Variants in MAST4 observed in about 807,000 individuals in gnomAD.
The protein encoded by MAST4 is microtubule-associated serine/threonine-protein kinase 4.
A neutral mutation model predicts 162.7 loss-of-function variants in MAST4; 89 were observed. The ratio of observed to expected loss-of-function variants is 0.55; its 90% CI spans 0.46 to 0.65. MAST4 has a LOEUF of 0.65. Among genes scored for constraint, MAST4 ranks in the 30% least tolerant of loss-of-function variants. The pLI is 0.00. For missense variants in MAST4, 3,153 were observed against 3,374.0 expected, an observed-to-expected ratio of 0.93 and a Z score of 1.62; for synonymous variants, 1,479 against 1,361.1, an observed-to-expected ratio of 1.09 and a Z score of -1.91.
chr5:66,618,999 A>C (rs530842409), intron 1 of MAST4, among the ~76,000 whole-genome samples: 1 of 152,320 alleles, frequency 6.6e-6, no homozygotes, highest in South Asian at 2.1e-4. Context: ...TTGGCAACGC[A>C]CTAAATGCTG....
At chr5:66,692,093 C>T (rs182402932) in intron 1 of MAST4, among the ~76,000 whole-genome samples, 189 of 152,248 alleles carry the variant, frequency 1.2e-3, no homozygotes, top group Non-Finnish European at 2.4e-3. Context: ...TTACACTGCA[C>T]TCTCAGGTAT....
At position 66,650,867 on chromosome 5, in the gene MAST4, T is replaced by C. The variant is rs548216010; in HGVS notation, c.363+53849T>C. Among the ~76,000 whole-genome samples, 3 of 152,362 alleles carry C rather than the reference T, an allele frequency of 2.0e-5. No individual in the cohort carries two copies. In the South Asian group the frequency reaches 6.2e-4, roughly 32 times the overall value. On this transcript the variant is annotated intron_variant, in intron 1 of 28. Transcript: ENST00000403625. ...AAACCTAGGCTCCAAACTGGCACATTGTCACTTCTGTTCATATCCCGTTGA... is the reference window on the plus strand; with the variant it reads ...AAACCTAGGCTCCAAACTGGCACATCGTCACTTCTGTTCATATCCCGTTGA...
At chr5:66,624,146 G>GTTT (rs200030700) in intron 1 of MAST4, among the ~76,000 whole-genome samples, 13,812 of 89,138 alleles carry the variant, frequency 0.15, 2,458 homozygotes, top group East Asian at 0.37. Flanking sequence ...TTGTTAAAAT[G>GTTT]TTTTTTTTTT....
At chr5:66,788,592 C>CA in intron 2 of MAST4, 78 bp from the exon 3 acceptor site, 4 of 662,148 alleles carry the variant, frequency 6.0e-6, no homozygotes, top group South Asian at 1.4e-5. Context: ...GGAAGAGACA[C>CA]CCCACCCCCA....
chr5:67,086,198 T>C (rs2150767208), intron 5 of MAST4, among the ~76,000 whole-genome samples: 1 of 152,284 alleles, frequency 6.6e-6, no homozygotes, highest in South Asian at 2.1e-4. Context: ...ATTCTTGGAT[T>C]CCTCCAGTCC....
At chr5:66,862,908 T>G (rs1760222231) in intron 3 of MAST4, among the ~76,000 whole-genome samples, 1 of 152,202 alleles carries the variant, frequency 6.6e-6, no homozygotes, top group Admixed American at 6.5e-5. Context: ...TTGTGTCAGT[T>G]TCTCTTCCTG....
intron 3 of MAST4, among the ~76,000 whole-genome samples, chr5:66,820,235 T>C (rs559112417): frequency 1.3e-4 from 20 of 152,322 alleles, no homozygotes; most frequent in Admixed American, 6.5e-4. Context: ...TTCCTTGATC[T>C]TTTATCTCTA....
intron 2 of MAST4, among the ~76,000 whole-genome samples, chr5:66,780,999 C>A (rs1194437370): frequency 1.3e-5 from 2 of 152,194 alleles, no homozygotes; most frequent in African/African-American, 4.8e-5. Flanking sequence ...TTATTTCTTT[C>A]AGCATGTCTC....
At chr5:66,623,638 A>G (rs1744219206) in intron 1 of MAST4, among the ~76,000 whole-genome samples, 1 of 152,244 alleles carries the variant, frequency 6.6e-6, no homozygotes, top group African/African-American at 2.4e-5. Flanking sequence ...TAAAAGCCAT[A>G]TATGAAGGAC....
chr5:66,954,908 A>G (rs1439276767), intron 4 of MAST4, among the ~76,000 whole-genome samples: 1 of 151,894 alleles, frequency 6.6e-6, no homozygotes, highest in Non-Finnish European at 1.5e-5. Context: ...CTCAAAAAAA[A>G]AAGGGAGAAA....
At chr5:66,687,041 A>T (rs1748703788) in intron 1 of MAST4, among the ~76,000 whole-genome samples, 1 of 152,160 alleles carries the variant, frequency 6.6e-6, no homozygotes, top group Non-Finnish European at 1.5e-5. Context: ...AATTTCAACT[A>T]GTTGTTTGAT....
intron 13 of MAST4, 126 bp from the exon 14 acceptor site, chr5:67,120,891 T>C: frequency 1.5e-6 from 1 of 652,850 alleles, no homozygotes; most frequent in Non-Finnish European, 2.6e-6. Flanking sequence ...CTCAGGTTCC[T>C]GTGGCTGGAA....
intron 4 of MAST4, chr5:66,959,090 A>G (rs1476153900): frequency 1.6e-6 from 1 of 640,342 alleles, no homozygotes; most frequent in East Asian, 2.7e-5. Context: ...GATTACGGCT[A>G]GAGGTGGAAG....
intron 3 of MAST4, among the ~76,000 whole-genome samples, chr5:66,849,112 C>T (rs748756658): frequency 6.6e-6 from 1 of 152,088 alleles, no homozygotes; most frequent in Admixed American, 6.6e-5. Flanking sequence ...TTCCTTGACT[C>T]CTTTATGCAT....
chr5:67,020,181 A>G (rs173651), intron 4 of MAST4, among the ~76,000 whole-genome samples: 77,115 of 152,068 alleles, frequency 0.51, 20,817 homozygotes, highest in African/African-American at 0.7. Context: ...TTTAGTGACT[A>G]TGCCTTGCTT....
At chr5:66,984,978 A>G (rs886313494) in intron 4 of MAST4, among the ~76,000 whole-genome samples, 1 of 152,146 alleles carries the variant, frequency 6.6e-6, no homozygotes, top group African/African-American at 2.4e-5. Flanking sequence ...TCTAAGGAGA[A>G]GTTAGGTCTG....
chr5:67,144,772 G>A lies in MAST4; in HGVS notation c.2834G>A (p.Ser945Asn). 1.2e-6 allele frequency: 2 copies of A among 1,611,776 alleles called. No individual in the cohort carries two copies. Among genetic ancestry groups the A allele is most frequent in the South Asian group, 1.1e-5 (1 of 90,768 alleles). The part of the protein sequence containing the change: ...STTLPSTETL[S>N]WSSEYSEMQQ... Reference sequence around the variant, plus strand: ...ACCTTGCCATCCACAGAAACACTGAGCTGGAGTTCAGAATATTCTGAAATG... The same window carrying A: ...ACCTTGCCATCCACAGAAACACTGAACTGGAGTTCAGAATATTCTGAAATG... Residue 945 changes from serine to asparagine, a missense_variant, in exon 22 of 29, where the codon AGC (serine) becomes AAC (asparagine). Physicochemically the swap from Ser to Asn is conservative, Grantham distance 46. Transcript: ENST00000403625.
intron 4 of MAST4, chr5:66,917,204 G>A (rs912286294): frequency 9.5e-6 from 5 of 526,680 alleles, no homozygotes; most frequent in African/African-American, 9.5e-5. Context: ...CACTGATGTT[G>A]AGTATATTTT....
chr5:66,893,382 T>TGTG (rs569219746), intron 3 of MAST4, among the ~76,000 whole-genome samples: 12 of 150,046 alleles, frequency 8.0e-5, no homozygotes, highest in Non-Finnish European at 1.3e-4. Flanking sequence ...ATTTTTTTTT[T>TGTG]TGTGTGTGTG....
Sources: allele counts gnomAD v4.1 joint callset (sites outside exome capture counted in the v4.1 genomes callset), GRCh38; gene constraint gnomAD v4.1.1; transcripts MANE v1.5; gene names NCBI Gene and HGNC (gene_info 2026-07-23, HGNC 2026-07-21).